Variants in CFHR4 observed in about 807,000 individuals in gnomAD.
CFHR4 encodes the protein complement factor H related 4.
Under a neutral mutation model 69.3 loss-of-function variants are expected in CFHR4, and 64 were observed. That is an observed-to-expected ratio of 0.92 (90% CI 0.76 to 1.14). The LOEUF (loss-of-function observed/expected upper bound fraction) is 1.14, where lower values mean the gene tolerates loss of function less well. Ranked by LOEUF, CFHR4 falls within the 50% of genes most tolerant of loss-of-function variation. CFHR4 has a pLI of 0.00. For missense variants in CFHR4, 636 were observed against 684.9 expected, an observed-to-expected ratio of 0.93 and a Z score of 0.80; for synonymous variants, 244 against 237.0, an observed-to-expected ratio of 1.03 and a Z score of -0.27.
At chr1:196,888,239 T>G in intron 1 of CFHR4, 31 bp downstream of exon 1, 1 of 1,604,554 alleles carries the variant, frequency 6.2e-7, no homozygotes, top group Non-Finnish European at 8.5e-7. Context: ...ACACTCAGCT[T>G]CCCTCTTAAA....
rs115714339 is a variant in CFHR4 at position 196,901,939 on chromosome 1, T to G, written c.59-479T>G. On this transcript the variant is annotated intron_variant, in intron 1 of 9. Transcript: ENST00000608469. ...TTTGAGACATGAATTAGCAATATTA[T>G]TTTGTTGTGTGATGTGATCAATGAG... Among the ~76,000 whole-genome samples the G allele has an allele frequency of 6.8e-3, 1,037 of 151,566 alleles. 44 individuals are homozygous for G. Among genetic ancestry groups the G allele is most frequent in the African/African-American group, 0.024 (994 of 41,146 alleles).
At chr1:196,908,973 C>T (rs936718831) in intron 5 of CFHR4, among the ~76,000 whole-genome samples, 1 of 151,396 alleles carries the variant, frequency 6.6e-6, no homozygotes. Flanking sequence ...ATTTATGTAT[C>T]CACTTCTGTA....
intron 5 of CFHR4, among the ~76,000 whole-genome samples, chr1:196,909,650 A>G (rs2124963511): frequency 6.6e-6 from 1 of 151,412 alleles, no homozygotes; most frequent in East Asian, 1.9e-4. Flanking sequence ...TGAGTGCAGA[A>G]TACTTGCATC....
rs1658339565 is a variant in CFHR4 at position 196,912,653 on chromosome 1, G to A, written c.998-87G>A. On this transcript the variant is annotated intron_variant, in intron 6 of 9. Transcript: ENST00000608469. The stretch of plus-strand genomic sequence containing the variant: ...TCATTAACAAATGTTTCATTGTTTT[G>A]CCATATTGCCATGTTTTTACTTGTT... 3.7e-6 allele frequency: 5 copies of A among 1,348,640 alleles called. 1 individual carries two copies. In the East Asian group the frequency reaches 1.3e-4, roughly 35 times the overall value. The allele number at this position is 1,348,640 out of a possible 1,614,324, so 83.5% of individuals were successfully genotyped here.
At chr1:196,905,016 G>A in intron 2 of CFHR4, 92 bp from the exon 3 acceptor site, 2 of 1,177,260 alleles carry the variant, frequency 1.7e-6, no homozygotes, top group South Asian at 1.7e-5. Context: ...ATGTTTCATT[G>A]TTTCACCATA....
intron 8 of CFHR4, 35 bp downstream of exon 8, chr1:196,914,706 T>A (rs759524899): frequency 1.6e-5 from 25 of 1,531,768 alleles, no homozygotes; most frequent in Non-Finnish European, 2.0e-5. Flanking sequence ...TTATTAGAAT[T>A]AAATAAAATA....
intron 7 of CFHR4, 65 bp from the exon 8 acceptor site, chr1:196,914,430 C>CT: frequency 6.6e-7 from 1 of 1,507,368 alleles, no homozygotes; most frequent in Non-Finnish European, 8.9e-7. Flanking sequence ...TACAATGGGA[C>CT]TTTCTTAGTT....
chr1:196,903,354 T>C (rs1657723970), intron 2 of CFHR4, among the ~76,000 whole-genome samples: 1 of 151,004 alleles, frequency 6.6e-6, no homozygotes, highest in Non-Finnish European at 1.5e-5. Flanking sequence ...CAAGCAGCAA[T>C]AGAAATATAA....
At chr1:196,908,654 T>A (rs1466981405) in intron 5 of CFHR4, among the ~76,000 whole-genome samples, 1 of 151,416 alleles carries the variant, frequency 6.6e-6, no homozygotes, top group Admixed American at 6.6e-5. Context: ...AAAATAATTA[T>A]GGCAGCAAAA....
intron 2 of CFHR4, among the ~76,000 whole-genome samples, chr1:196,902,894 A>C (rs930312558): frequency 1.1e-4 from 17 of 151,500 alleles, no homozygotes; most frequent in Admixed American, 1.1e-3. Context: ...TTGTAAAAAC[A>C]TTTAGTAGTA....
intron 2 of CFHR4, among the ~76,000 whole-genome samples, chr1:196,903,434 C>T (rs1657729524): frequency 6.6e-6 from 1 of 150,916 alleles, no homozygotes; most frequent in African/African-American, 2.5e-5. Flanking sequence ...GGGCAGATCA[C>T]TTTAGGTGAG....
rs188800913 is a variant in CFHR4, at chr1:196,916,060, G to T, written c.1540+922G>T. ...ACTTCAGCCATTTCCACAACCCATT[G>T]CTTTTCCATTTTTACCTTATTCTCC... is the stretch of plus-strand genomic sequence containing the variant. On this transcript the variant is annotated intron_variant, in intron 9 of 9. Transcript: ENST00000608469. 3.8e-4 allele frequency among the ~76,000 whole-genome samples: 57 copies of T among 151,500 alleles called. 2 individuals carry two copies. Among genetic ancestry groups the T allele is most frequent in the Non-Finnish European group, 5.9e-4 (40 of 67,946 alleles).
chr1:196,905,976 G>A (rs1657888543), intron 3 of CFHR4, among the ~76,000 whole-genome samples: 1 of 151,390 alleles, frequency 6.6e-6, no homozygotes, highest in South Asian at 2.1e-4. Context: ...ACCTTGCAGT[G>A]GCAAAAGTTT....
intron 9 of CFHR4, among the ~76,000 whole-genome samples, chr1:196,916,360 A>G (rs1317521757): frequency 6.6e-6 from 1 of 152,062 alleles, no homozygotes; most frequent in Middle Eastern, 3.4e-3. Flanking sequence ...CTATAAGTTC[A>G]TGAGTTTTTC....
rs964900638 is a variant in CFHR4, at chr1:196,907,119, T to C, written c.616+82T>C. 1.2e-4 allele frequency: 147 copies of C among 1,240,468 alleles called. 3 individuals are homozygous for C. The highest frequency in any genetic ancestry group is 2.3e-4 in the South Asian group (17 of 75,090). The allele number at this position is 1,240,468 out of a possible 1,614,324, so 76.8% of individuals were successfully genotyped here. ...ATATGTATATGTACACATATGTGTA[T>C]GAATACATATGTGTACATATACATG... On this transcript the variant is annotated intron_variant, in intron 4 of 9. Coordinates refer to ENST00000608469, the MANE Select transcript of CFHR4 (RefSeq NM_001201550.3).
At chr1:196,913,737 T>A (rs1219971561) in intron 7 of CFHR4, among the ~76,000 whole-genome samples, 2 of 151,120 alleles carry the variant, frequency 1.3e-5, no homozygotes, top group Non-Finnish European at 1.5e-5. Flanking sequence ...TTATCAAGGG[T>A]ACAATTCAAC....
At chr1:196,912,994 T>A in intron 7 of CFHR4, 72 bp downstream of exon 7, 1 of 1,601,050 alleles carries the variant, frequency 6.2e-7, no homozygotes, top group Admixed American at 1.7e-5. Flanking sequence ...AGTGTTTTAC[T>A]TAAAAATATA....
At chr1:196,893,007 A>G (rs1657111391) in intron 1 of CFHR4, among the ~76,000 whole-genome samples, 1 of 151,610 alleles carries the variant, frequency 6.6e-6, no homozygotes, top group Admixed American at 6.6e-5. Context: ...AGGAACATCT[A>G]TCTCTTTTAG....
At chr1:196,898,103 T>C (rs6685931) in intron 1 of CFHR4, among the ~76,000 whole-genome samples, 42,741 of 150,930 alleles carry the variant, frequency 0.28, 8,046 homozygotes, top group Non-Finnish European at 0.4. Context: ...GATTTCTACA[T>C]AGTCCACACA....
Sources: gnomAD v4.1 joint callset for allele counts (sites outside exome capture counted in the v4.1 genomes callset) on GRCh38, gnomAD v4.1.1 for gene constraint, MANE v1.5 for transcripts, NCBI Gene and HGNC (gene_info 2026-07-23, HGNC 2026-07-21) for gene names.